POU6F2: variants seen among roughly 807,000 people sequenced by gnomAD.
POU6F2 encodes POU domain, class 6, transcription factor 2.
POU6F2 carries 31 observed loss-of-function variants against 71.3 expected under a neutral mutation model. That is an observed-to-expected ratio of 0.43 (90% CI 0.33 to 0.59). The LOEUF is 0.59. Ranked by LOEUF, POU6F2 falls within the 20% of genes least tolerant of loss-of-function variation. The probability of loss-of-function intolerance (pLI) is 0.04; values close to 1 mark genes in which losing one functional copy is unlikely to be tolerated. For synonymous variants in POU6F2, 347 were observed against 355.7 expected, an observed-to-expected ratio of 0.98 and a Z score of 0.27; for missense variants, 783 against 856.8, an observed-to-expected ratio of 0.91 and a Z score of 1.07.
intron 4 of POU6F2, among the ~76,000 whole-genome samples, chr7:39,245,890 A>G (rs1783810290): frequency 6.6e-6 from 1 of 152,152 alleles, no homozygotes; most frequent in Non-Finnish European, 1.5e-5. Context: ...TTTTTCCACA[A>G]GCATAGTGAT....
rs527976401 is a variant in POU6F2, at chr7:38,994,646, G to A, written c.105+16588G>A. Reference sequence around the variant, plus strand: ...GACACTCTGAATAAAGAAGAGTTGTGTGGTCAGAGAATCCAGCTGGCTCTG... The same window carrying A: ...GACACTCTGAATAAAGAAGAGTTGTATGGTCAGAGAATCCAGCTGGCTCTG... On this transcript the variant is annotated intron_variant, in intron 1 of 9. Coordinates refer to ENST00000518318, the MANE Select transcript of POU6F2 (RefSeq NM_001370959.1). Among the ~76,000 whole-genome samples, 31 of 152,162 alleles carry A rather than the reference G, an allele frequency of 2.0e-4. No homozygotes were observed. The South Asian group carries it at 6.0e-3, about 30-fold the overall frequency.
At chr7:39,331,937 T>C (rs1394228423) in intron 4 of POU6F2, among the ~76,000 whole-genome samples, 2 of 152,252 alleles carry the variant, frequency 1.3e-5, no homozygotes, top group Non-Finnish European at 1.5e-5. Flanking sequence ...GCTGTTTGTT[T>C]GTTTTGCCAG....
chr7:39,397,368 T>C (rs1168961155), intron 5 of POU6F2, among the ~76,000 whole-genome samples: 1 of 147,836 alleles, frequency 6.8e-6, no homozygotes, highest in African/African-American at 2.5e-5. Context: ...TAGACAAATA[T>C]ATAGAGAGAC....
chr7:39,086,471 A>G (rs1436198112), intron 2 of POU6F2, among the ~76,000 whole-genome samples: 1 of 152,170 alleles, frequency 6.6e-6, no homozygotes, highest in Non-Finnish European at 1.5e-5. Context: ...ACTGAAAAAT[A>G]TCAATACAAG....
chr7:39,285,874 G>A (rs190721956), intron 4 of POU6F2, among the ~76,000 whole-genome samples: 6 of 152,258 alleles, frequency 3.9e-5, no homozygotes, highest in Admixed American at 3.9e-4. Flanking sequence ...ATCTAAACCT[G>A]TTTTCAGGAT....
Position 39,001,925 on chromosome 7 carries a change from TG to T in POU6F2, c.105+23868del, listed in dbSNP as rs1788926277. 2.0e-5 allele frequency: 3 copies of T among 152,310 alleles called. No homozygotes were observed. The South Asian group carries it at 6.2e-4, about 32-fold the overall frequency. The allele number at this position is 152,310 out of a possible 1,614,324, so 9.4% of individuals were successfully genotyped here. A position where few individuals can be genotyped will look rare whatever the true frequency, so the allele number is the denominator to read the frequency against. ...ATGATGATGTTGGTGATAGTGATGA[TG>T]TGGTGGTGATAGTCATGGTGATGTG... On this transcript the variant is annotated intron_variant, in intron 1 of 9. Transcript: ENST00000518318.
Position 39,043,263 on chromosome 7 carries a change from T to G in POU6F2, c.106-42597T>G, listed in dbSNP as rs538854226. On this transcript the variant is annotated intron_variant, in intron 1 of 9. Coordinates refer to ENST00000518318, the MANE Select transcript of POU6F2 (RefSeq NM_001370959.1). ...ATGTAAAAATGGTAAGAAAATACAC[T>G]GGGAAAAAAAATGGAACTCTTAGAA... 2.6e-5 allele frequency among the ~76,000 whole-genome samples: 4 copies of G among 151,944 alleles called. No homozygotes were observed. The South Asian group carries it at 8.3e-4, about 32-fold the overall frequency.
chr7:39,377,427 G>A (rs944835585), intron 5 of POU6F2, among the ~76,000 whole-genome samples: 1 of 152,032 alleles, frequency 6.6e-6, no homozygotes, highest in Admixed American at 6.6e-5. Context: ...CACCATGCAC[G>A]GCCTATAATT....
At chr7:39,351,563 C>T (rs191415217) in intron 5 of POU6F2, among the ~76,000 whole-genome samples, 54 of 152,326 alleles carry the variant, frequency 3.5e-4, no homozygotes, top group Non-Finnish European at 7.1e-4. Context: ...AGATGCCCCA[C>T]TGCTGCTAGA....
intron 4 of POU6F2, among the ~76,000 whole-genome samples, chr7:39,253,069 G>A (rs570637691): frequency 1.8e-4 from 28 of 152,338 alleles, no homozygotes; most frequent in Non-Finnish European, 3.2e-4. Context: ...AGTGCAGGAA[G>A]GAATGCATCC....
chr7:39,347,851 C>T (rs570791935), intron 5 of POU6F2, among the ~76,000 whole-genome samples: 2 of 142,710 alleles, frequency 1.4e-5, no homozygotes, highest in East Asian at 1.9e-4. Flanking sequence ...AGGCTGGTCT[C>T]GAACTCCTGG....
intron 1 of POU6F2, among the ~76,000 whole-genome samples, chr7:39,066,111 A>G (rs1034266054): frequency 1.3e-5 from 2 of 151,802 alleles, no homozygotes; most frequent in Admixed American, 6.6e-5. Flanking sequence ...ATGCTTTACT[A>G]TTAGGAAACT....
At chr7:39,293,818 A>T (rs1333235797) in intron 4 of POU6F2, among the ~76,000 whole-genome samples, 2 of 152,214 alleles carry the variant, frequency 1.3e-5, no homozygotes, top group Non-Finnish European at 2.9e-5. Flanking sequence ...GAACGAGGAC[A>T]TCTCTTTTTC....
intron 4 of POU6F2, among the ~76,000 whole-genome samples, chr7:39,266,894 T>C (rs543309381): frequency 9.2e-5 from 14 of 152,282 alleles, no homozygotes; most frequent in African/African-American, 3.4e-4. Context: ...TATACAATAC[T>C]TTCCTGTTAA....
At chr7:39,308,104 C>G (rs1252878313) in intron 4 of POU6F2, among the ~76,000 whole-genome samples, 1 of 152,102 alleles carries the variant, frequency 6.6e-6, no homozygotes, top group African/African-American at 2.4e-5. Flanking sequence ...TATCCATGTC[C>G]CAAAGGGGTA....
chr7:39,332,504 T>A (rs1785676404), intron 4 of POU6F2, among the ~76,000 whole-genome samples: 1 of 152,198 alleles, frequency 6.6e-6, no homozygotes, highest in Non-Finnish European at 1.5e-5. Context: ...GATGTCTAAG[T>A]CTTTGTAAGT....
At chr7:39,436,873 A>G (rs10267900) in intron 7 of POU6F2, among the ~76,000 whole-genome samples, 51,249 of 152,072 alleles carry the variant, frequency 0.34, 9,656 homozygotes, top group East Asian at 0.58. Context: ...TGCATCTATT[A>G]AGATAATCAT....
intron 4 of POU6F2, among the ~76,000 whole-genome samples, chr7:39,275,654 C>T (rs1200221500): frequency 1.3e-5 from 2 of 152,194 alleles, no homozygotes; most frequent in African/African-American, 2.4e-5. Flanking sequence ...TCAAACTATA[C>T]TACAAGGCTA....
intron 1 of POU6F2, among the ~76,000 whole-genome samples, chr7:39,039,274 A>G (rs1790128748): frequency 6.6e-6 from 1 of 151,928 alleles, no homozygotes; most frequent in Admixed American, 6.6e-5. Flanking sequence ...TTCACATTTA[A>G]TTTCCTTCAT....
Sources: gnomAD v4.1 joint callset for allele counts (sites outside exome capture counted in the v4.1 genomes callset) on GRCh38, gnomAD v4.1.1 for gene constraint, MANE v1.5 for transcripts, NCBI Gene and HGNC (gene_info 2026-07-23, HGNC 2026-07-21) for gene names.